Variants in SH3RF1 observed in about 807,000 individuals in gnomAD.
SH3RF1 encodes the protein SH3 domain containing ring finger 1.
A neutral mutation model predicts 74.0 loss-of-function variants in SH3RF1; 32 were observed. That is an observed-to-expected ratio of 0.43 (90% CI 0.33 to 0.58). SH3RF1 has a LOEUF of 0.58. Ranked by LOEUF, SH3RF1 falls within the 20% of genes least tolerant of loss-of-function variation. SH3RF1 has a pLI of 0.05. For synonymous variants in SH3RF1, 396 were observed against 439.6 expected (o/e 0.90, Z 1.24); for missense variants, 954 against 1,130.9 (o/e 0.84, Z 2.24).
Position 169,122,089 on chromosome 4 carries a change from C to G in SH3RF1, c.1346+11G>C, listed in dbSNP as rs780326982. 1.2e-5 allele frequency: 20 copies of G among 1,610,470 alleles called. No homozygotes were observed. Among genetic ancestry groups the G allele is most frequent in the Non-Finnish European group, 1.7e-5 (20 of 1,178,424 alleles). ...AACACATAAGCAGTAACAGACGACA[C>G]GCTCACTTACACACTGGGGCGAGTC... On this transcript the variant is annotated intron_variant, in intron 7 of 11. Coordinates refer to ENST00000284637, the MANE Select transcript of SH3RF1 (RefSeq NM_020870.4).
At chr4:169,139,702 T>G (rs28437153) in intron 4 of SH3RF1, among the ~76,000 whole-genome samples, 1 of 152,104 alleles carries the variant, frequency 6.6e-6, no homozygotes, top group Non-Finnish European at 1.5e-5. Context: ...TTGGAAAAAT[T>G]TATGCAGAAT....
rs796749332 is a variant in SH3RF1, at chr4:169,144,987, G to A, written c.766-8367C>T. Among the ~76,000 whole-genome samples the A allele has an allele frequency of 7.2e-5, 11 of 152,200 alleles. 1 individual carries two copies. The highest frequency in any genetic ancestry group is 2.2e-4 in the African/African-American group (9 of 41,528). ...CAAGAAGACCTTGCAAAGTTTCCCA[G>A]GCCAACCATCCAACCAACGACCCAG... On this transcript the variant is annotated intron_variant, in intron 4 of 11. Coordinates refer to ENST00000284637, the MANE Select transcript of SH3RF1 (RefSeq NM_020870.4).
At chr4:169,107,749 A>G (rs559679555) in intron 10 of SH3RF1, among the ~76,000 whole-genome samples, 1 of 152,350 alleles carries the variant, frequency 6.6e-6, no homozygotes, top group African/African-American at 2.4e-5. Context: ...CTTATCATTT[A>G]CAGGCAGTGA....
At chr4:169,108,691 G>T (rs987323893) in intron 10 of SH3RF1, among the ~76,000 whole-genome samples, 5 of 152,178 alleles carry the variant, frequency 3.3e-5, no homozygotes, top group African/African-American at 4.8e-5. Flanking sequence ...GATCTTATGC[G>T]CTTTCGCTTC....
intron 2 of SH3RF1, among the ~76,000 whole-genome samples, chr4:169,196,146 T>TG (rs1317609027): frequency 6.6e-6 from 1 of 152,182 alleles, no homozygotes; most frequent in Non-Finnish European, 1.5e-5. Context: ...ATTTCTATAA[T>TG]GCCAATCTAT....
intron 10 of SH3RF1, among the ~76,000 whole-genome samples, chr4:169,115,234 A>G (rs1266073938): frequency 3.9e-5 from 6 of 152,196 alleles, no homozygotes; most frequent in East Asian, 1.9e-4. Context: ...TCAAGGAACC[A>G]TGCTGCTTAA....
chr4:169,112,467 A>G (rs773182872), intron 10 of SH3RF1, among the ~76,000 whole-genome samples: 3 of 152,232 alleles, frequency 2.0e-5, no homozygotes, highest in African/African-American at 4.8e-5. Flanking sequence ...CTGATTTTTA[A>G]ATGTTCAAAG....
chr4:169,136,711 T>C (rs903670904), intron 4 of SH3RF1, 91 bp from the exon 5 acceptor site: 1 of 1,370,654 alleles, frequency 7.3e-7, no homozygotes, highest in Admixed American at 3.0e-5. Context: ...TCATCCAAAA[T>C]TTAAAGTCAC....
chr4:169,108,619 C>G (rs563402824), intron 10 of SH3RF1, among the ~76,000 whole-genome samples: 1 of 152,326 alleles, frequency 6.6e-6, no homozygotes, highest in South Asian at 2.1e-4. Flanking sequence ...CCCCACCACC[C>G]TGCAACTCTC....
chr4:169,133,345 C>G (rs1221231018), intron 5 of SH3RF1, among the ~76,000 whole-genome samples: 1 of 151,774 alleles, frequency 6.6e-6, no homozygotes, highest in East Asian at 1.9e-4. Flanking sequence ...TGTGGTGGCA[C>G]ACACCTGTAA....
At chr4:169,236,158 C>T (rs1730819852) in intron 2 of SH3RF1, among the ~76,000 whole-genome samples, 1 of 152,264 alleles carries the variant, frequency 6.6e-6, no homozygotes, top group African/African-American at 2.4e-5. Flanking sequence ...TACGATTCTT[C>T]TCTCCCTCTA....
chr4:169,100,838 T>C (rs561455120), intron 11 of SH3RF1, among the ~76,000 whole-genome samples: 2 of 152,308 alleles, frequency 1.3e-5, no homozygotes, highest in African/African-American at 4.8e-5. Flanking sequence ...CCCCTAAGCC[T>C]GAACATGTCC....
rs1440355055 is a variant in SH3RF1 at position 169,096,384 on chromosome 4, G to A, written c.*135C>T. 1 of 874,604 alleles carries A rather than the reference G, an allele frequency of 1.1e-6. No individual in the cohort carries two copies. The highest frequency in any genetic ancestry group is 2.5e-5 in the East Asian group (1 of 40,786). The allele number at this position is 874,604 out of a possible 1,614,324, so 54.2% of individuals were successfully genotyped here. ...CTGCTCGCTGGGGTAACTGTGCTGG[G>A]GCATCAGAGTCACATACCAATCCTT... On this transcript the variant is annotated 3_prime_UTR_variant, in exon 12 of 12. Transcript: ENST00000284637.
At chr4:169,239,845 AC>A (rs1384100456) in intron 2 of SH3RF1, among the ~76,000 whole-genome samples, 1 of 151,842 alleles carries the variant, frequency 6.6e-6, no homozygotes, top group African/African-American at 2.4e-5. Flanking sequence ...ACATGGTGAA[AC>A]CCCGTCTCTA....
At chr4:169,236,862 A>C (rs1409712630) in intron 2 of SH3RF1, among the ~76,000 whole-genome samples, 1 of 152,226 alleles carries the variant, frequency 6.6e-6, no homozygotes, top group East Asian at 1.9e-4. Context: ...CAGACACAAA[A>C]GACTGAATAA....
intron 8 of SH3RF1, among the ~76,000 whole-genome samples, chr4:169,119,838 C>T (rs1261519921): frequency 6.6e-6 from 1 of 152,140 alleles, no homozygotes; most frequent in East Asian, 1.9e-4. Flanking sequence ...GCAGTTAGAC[C>T]TGGACTGTAT....
chr4:169,126,896 T>C (rs1733534125), intron 6 of SH3RF1, among the ~76,000 whole-genome samples: 1 of 152,224 alleles, frequency 6.6e-6, no homozygotes, highest in Admixed American at 6.5e-5. Context: ...CAGACTAAAA[T>C]TTTAAAATTT....
chr4:169,229,593 C>T (rs1014204933), intron 2 of SH3RF1, among the ~76,000 whole-genome samples: 2 of 152,014 alleles, frequency 1.3e-5, no homozygotes, highest in African/African-American at 2.4e-5. Context: ...TGTTTAACAT[C>T]ACTGTTTTCA....
chr4:169,126,873 G>A (rs1396084869), intron 6 of SH3RF1, among the ~76,000 whole-genome samples: 8 of 152,164 alleles, frequency 5.3e-5, no homozygotes, highest in Non-Finnish European at 1.2e-4. Context: ...TTATAGGCAT[G>A]GGCCATCACA....
Sources: gnomAD v4.1 joint callset for allele counts (sites outside exome capture counted in the v4.1 genomes callset) on GRCh38, gnomAD v4.1.1 for gene constraint, MANE v1.5 for transcripts, NCBI Gene and HGNC (gene_info 2026-07-23, HGNC 2026-07-21) for gene names.